Variants in PRSS55 observed in about 807,000 individuals in gnomAD.
PRSS55 encodes the protein probable serine protease UNQ9391/PRO34284.
Under a neutral mutation model 23.6 loss-of-function variants are expected in PRSS55, and 41 were observed. The observed-to-expected ratio is 1.74, with a 90% CI of 1.35 to 2.26. The LOEUF is 2.26. Among genes scored for constraint, PRSS55 ranks in the 30% most tolerant of loss-of-function variants. The pLI is 0.00. For synonymous variants in PRSS55, 262 were observed against 175.5 expected, an observed-to-expected ratio of 1.49 and a Z score of -3.90; for missense variants, 669 against 439.1, an observed-to-expected ratio of 1.52 and a Z score of -4.68.
chr8:10,552,223 C>T (rs778430659), intron 4 of PRSS55, among the ~76,000 whole-genome samples: 18 of 152,192 alleles, frequency 1.2e-4, no homozygotes, highest in Non-Finnish European at 1.0e-4. Flanking sequence ...CTTACTGATG[C>T]CCTCAAGATT....
chr8:10,532,928 G>T lies in PRSS55; in HGVS notation c.621G>T (p.Thr207=), dbSNP rs767116136. The change falls in exon 4 of 5, where the codon ACG becomes ACT. Residue 207 remains threonine, a synonymous_variant. Coordinates refer to ENST00000328655, the MANE Select transcript of PRSS55 (RefSeq NM_198464.4). ...CAGCTGACAAAAACTCTGTGAAAAC[G>T]GATCTGATGAAAGCGCCAATGGTCA... The part of the protein sequence containing the change: ...TNAADKNSVK[T]DLMKAPMVIM... 1.2e-6 allele frequency: 2 copies of T among 1,614,158 alleles called. No individual in the cohort carries two copies. Among genetic ancestry groups the T allele is most frequent in the Non-Finnish European group, 1.7e-6 (2 of 1,180,018 alleles).
intron 4 of PRSS55, among the ~76,000 whole-genome samples, chr8:10,536,105 G>T (rs560278669): frequency 9.2e-5 from 14 of 152,286 alleles, no homozygotes; most frequent in Non-Finnish European, 1.9e-4. Context: ...AGAACGGCGT[G>T]AACCCAGGAG....
chr8:10,546,114 C>A (rs536862205), intron 4 of PRSS55, among the ~76,000 whole-genome samples: 2 of 152,088 alleles, frequency 1.3e-5, no homozygotes, highest in Non-Finnish European at 2.9e-5. Flanking sequence ...GAACTAGGCT[C>A]CCCTGAGCTG....
At chr8:10,553,422 A>T (rs1389028183) in intron 4 of PRSS55, among the ~76,000 whole-genome samples, 1 of 152,224 alleles carries the variant, frequency 6.6e-6, no homozygotes, top group Non-Finnish European at 1.5e-5. Context: ...ATGAATGATA[A>T]AGAGAATGTG....
At chr8:10,526,653 A>G (rs1812034208) in intron 1 of PRSS55, among the ~76,000 whole-genome samples, 1 of 152,266 alleles carries the variant, frequency 6.6e-6, no homozygotes, top group South Asian at 2.1e-4. Flanking sequence ...TTCCATACAG[A>G]TGTTGTGGGT....
At chr8:10,537,893 C>T (rs151277465) in intron 4 of PRSS55, among the ~76,000 whole-genome samples, 48 of 152,214 alleles carry the variant, frequency 3.2e-4, no homozygotes, top group East Asian at 1.7e-3. Context: ...TTTATGTAGA[C>T]GTGGGGCATG....
intron 4 of PRSS55, among the ~76,000 whole-genome samples, chr8:10,553,193 G>C (rs540228555): frequency 6.6e-6 from 1 of 152,320 alleles, no homozygotes; most frequent in Non-Finnish European, 1.5e-5. Flanking sequence ...CTCCCCCTTT[G>C]CTGGCTCTCT....
chr8:10,548,902 G>A (rs1210269932), intron 4 of PRSS55, among the ~76,000 whole-genome samples: 1 of 152,166 alleles, frequency 6.6e-6, no homozygotes, highest in Non-Finnish European at 1.5e-5. Flanking sequence ...CAGCCCCAGA[G>A]ATCAAAGTCA....
chr8:10,532,872 G>T (rs775612385), intron 3 of PRSS55, 34 bp from the exon 4 acceptor site: 1 of 1,613,452 alleles, frequency 6.2e-7, no homozygotes, highest in South Asian at 1.1e-5. Flanking sequence ...ATGAGGCCCA[G>T]TGGCTTCTCT....
At chr8:10,542,812 G>A (rs1812696393), downstream of PRSS55, among the ~76,000 whole-genome samples, 1 of 147,632 alleles carries the variant, frequency 6.8e-6, no homozygotes, top group Non-Finnish European at 1.5e-5. Flanking sequence ...GGCGGAGGTT[G>A]CAGTGAGTCG....
rs772281240 is a variant in PRSS55 at position 10,531,488 on chromosome 8, C to A, written c.541C>A (p.Pro181Thr). 4.3e-6 allele frequency: 7 copies of A among 1,613,924 alleles called. No individual in the cohort carries two copies. The highest frequency in any genetic ancestry group is 5.9e-6 in the Non-Finnish European group (7 of 1,180,062). ...GGTGCCCATCTGCCTCCCCACGCAG[C>A]CCGGCCCTGCCACATGGCGCGAATG... ...LKVPICLPTQ[P>T]GPATWRECWV... is the part of the protein sequence containing the mutation. The change falls in exon 3 of 5, where the codon CCC becomes ACC. Residue 181 changes from proline to threonine, a missense_variant. Coordinates refer to ENST00000328655, the MANE Select transcript of PRSS55 (RefSeq NM_198464.4).
rs745853238 is a variant in PRSS55, at chr8:10,525,668, G to C, written c.83G>C (p.Gly28Ala). ...CCACGGACTCCTCTCCCAGAGGCTG[G>C]AGTGGCTATCCTAGGCAGGGCTAGG... ...LGPRTPLPEAGVAILGRARGA... is the reference protein window; with the variant it reads ...LGPRTPLPEAAVAILGRARGA... Residue 28 changes from glycine (G) to alanine (A), a missense_variant, in exon 1 of 5, where the codon GGA becomes GCA. Gly to Ala is a moderately conservative substitution (Grantham distance 60, BLOSUM62 0). Transcript: ENST00000328655. 4.3e-6 allele frequency: 7 copies of C among 1,614,156 alleles called. No individual in the cohort carries two copies. Among genetic ancestry groups the C allele is most frequent in the African/African-American group, 1.3e-5 (1 of 75,070 alleles).
chr8:10,543,638 C>T (rs1212912513), downstream of PRSS55, among the ~76,000 whole-genome samples: 1 of 151,532 alleles, frequency 6.6e-6, no homozygotes, highest in Non-Finnish European at 1.5e-5. Flanking sequence ...ATGAGATGAA[C>T]ATCTTTTAGT....
intron 4 of PRSS55, among the ~76,000 whole-genome samples, chr8:10,549,688 G>A (rs553312691): frequency 1.1e-4 from 17 of 152,302 alleles, no homozygotes; most frequent in Admixed American, 2.6e-4. Context: ...CGGTTCCAAC[G>A]CTCAGTGCCC....
intron 1 of PRSS55, among the ~76,000 whole-genome samples, chr8:10,527,582 C>T (rs1686768212): frequency 2.0e-5 from 3 of 152,134 alleles, no homozygotes; most frequent in South Asian, 4.1e-4. Context: ...GATTCTTGGG[C>T]GTAGGGAGGA....
At chr8:10,531,230 A>T in intron 2 of PRSS55, 65 bp from the exon 3 acceptor site, 2 of 1,591,796 alleles carry the variant, frequency 1.3e-6, no homozygotes, top group Middle Eastern at 1.7e-4. Context: ...GGGCACAGCC[A>T]ATTCTGCCGC....
chr8:10,553,189 C>A (rs1461561058), intron 4 of PRSS55, among the ~76,000 whole-genome samples: 2 of 152,234 alleles, frequency 1.3e-5, no homozygotes, highest in Admixed American at 1.3e-4. Flanking sequence ...GCTCCTCCCC[C>A]TTTGCTGGCT....
At chr8:10,531,120 T>C (rs1563537222) in intron 2 of PRSS55, among the ~76,000 whole-genome samples, 175 bp from the exon 3 acceptor site, 1 of 152,038 alleles carries the variant, frequency 6.6e-6, no homozygotes, top group Non-Finnish European at 1.5e-5. Flanking sequence ...TTGTTTTGTT[T>C]TGTTTTGTTT....
At chr8:10,530,113 G>A (rs1289152373) in intron 2 of PRSS55, among the ~76,000 whole-genome samples, 1 of 152,254 alleles carries the variant, frequency 6.6e-6, no homozygotes, top group African/African-American at 2.4e-5. Context: ...CTGTGTGACA[G>A]CATGTGGATG....
Sources: allele counts gnomAD v4.1 joint callset (sites outside exome capture counted in the v4.1 genomes callset), GRCh38; gene constraint gnomAD v4.1.1; transcripts MANE v1.5; gene names NCBI Gene and HGNC (gene_info 2026-07-23, HGNC 2026-07-21).